The following CNTN5 variants were observed in gnomAD, a reference collection of about 807,000 sequenced individuals.
CNTN5 encodes the protein contactin 5.
A neutral mutation model predicts 129.1 loss-of-function variants in CNTN5; 77 were observed. The observed-to-expected ratio is 0.60, with a 90% CI of 0.50 to 0.72. CNTN5 has a LOEUF of 0.72. Among genes scored for constraint, CNTN5 ranks in the 30% least tolerant of loss-of-function variants. The pLI is 0.00. For synonymous variants in CNTN5, 509 were observed against 465.6 expected (o/e 1.09, Z -1.20); for missense variants, 1,478 against 1,328.8 (o/e 1.11, Z -1.75).
At chr11:99,763,747 G>A (rs1411476983) in intron 3 of CNTN5, among the ~76,000 whole-genome samples, 1 of 151,950 alleles carries the variant, frequency 6.6e-6, no homozygotes, top group African/African-American at 2.4e-5. Flanking sequence ...TAAAGAAAAA[G>A]AAGATTTTTA....
chr11:99,610,015 C>A (rs1950547917), intron 3 of CNTN5, among the ~76,000 whole-genome samples: 1 of 152,084 alleles, frequency 6.6e-6, no homozygotes, highest in Non-Finnish European at 1.5e-5. Context: ...ATAAATTGCA[C>A]TGTTAATCCT....
At chr11:99,828,088 T>G (rs1437424380) in intron 4 of CNTN5, among the ~76,000 whole-genome samples, 1 of 152,194 alleles carries the variant, frequency 6.6e-6, no homozygotes, top group Non-Finnish European at 1.5e-5. Flanking sequence ...TTCATATGTA[T>G]TATACTTTCT....
At chr11:100,316,003 T>C (rs1261917496) in intron 21 of CNTN5, among the ~76,000 whole-genome samples, 1 of 152,216 alleles carries the variant, frequency 6.6e-6, no homozygotes, top group Non-Finnish European at 1.5e-5. Flanking sequence ...CACTAGCCCA[T>C]ACAAGTAAAT....
chr11:100,253,615 A>G (rs958440905), intron 16 of CNTN5, among the ~76,000 whole-genome samples: 1 of 152,120 alleles, frequency 6.6e-6, no homozygotes, highest in Non-Finnish European at 1.5e-5. Context: ...CTATTAAATC[A>G]TTATAATGTA....
At chr11:99,776,888 A>G (rs1197700978) in intron 3 of CNTN5, among the ~76,000 whole-genome samples, 4 of 151,958 alleles carry the variant, frequency 2.6e-5, no homozygotes, top group Non-Finnish European at 1.5e-5. Flanking sequence ...GCAACTGGTA[A>G]AGTTCAGGAC....
At chr11:99,764,078 T>G (rs1306731027) in intron 3 of CNTN5, among the ~76,000 whole-genome samples, 1 of 152,154 alleles carries the variant, frequency 6.6e-6, no homozygotes, top group African/African-American at 2.4e-5. Context: ...ATTTCTGTTG[T>G]AAAAATTTAG....
chr11:99,192,564 A>G (rs1000235880), intron 1 of CNTN5, among the ~76,000 whole-genome samples: 1 of 151,932 alleles, frequency 6.6e-6, no homozygotes, highest in Non-Finnish European at 1.5e-5. Context: ...ATAATTTGTA[A>G]TTATCTTACA....
intron 2 of CNTN5, among the ~76,000 whole-genome samples, chr11:99,521,720 G>A (rs959565672): frequency 3.3e-5 from 5 of 152,194 alleles, no homozygotes; most frequent in African/African-American, 1.2e-4. Flanking sequence ...AGTTGACTCT[G>A]AGTGGCTACA....
At chr11:99,895,876 T>C in intron 6 of CNTN5, among the ~76,000 whole-genome samples, 1 of 152,132 alleles carries the variant, frequency 6.6e-6, no homozygotes, top group Non-Finnish European at 1.5e-5. Flanking sequence ...CACAGCATTT[T>C]TCCGTGTCCC....
intron 7 of CNTN5, among the ~76,000 whole-genome samples, chr11:99,954,116 G>T (rs1950741021): frequency 6.6e-6 from 1 of 152,016 alleles, no homozygotes; most frequent in African/African-American, 2.4e-5. Context: ...TGCATGTTCT[G>T]CACATTTATC....
chr11:99,990,382 T>C (rs1350579738), intron 8 of CNTN5, among the ~76,000 whole-genome samples: 1 of 150,506 alleles, frequency 6.6e-6, no homozygotes, highest in Non-Finnish European at 1.5e-5. Flanking sequence ...AATGTATTTA[T>C]TGGCTATTTT....
intron 13 of CNTN5, among the ~76,000 whole-genome samples, chr11:100,096,442 C>T (rs1187229251): frequency 6.6e-6 from 1 of 152,052 alleles, no homozygotes; most frequent in Admixed American, 6.6e-5. Context: ...TCTACTCGCA[C>T]CTTTTGCCCT....
Position 99,704,983 on chromosome 11 carries a change from G to A in CNTN5, c.56-114561G>A, listed in dbSNP as rs115988012. ...CAAATAACACAGTCATTTGGACTCC[G>A]TTAGATTTAGCCTGTGAATCTGCTT... is the stretch of plus-strand genomic sequence containing the variant. On this transcript the variant is annotated intron_variant, in intron 3 of 24. Transcript: ENST00000524871. Among the ~76,000 whole-genome samples, 225 of 151,264 alleles carry A rather than the reference G, an allele frequency of 1.5e-3. 1 individual carries two copies. The highest frequency in any genetic ancestry group is 5.3e-3 in the African/African-American group (219 of 41,420).
At chr11:99,773,759 C>G (rs1290831366) in intron 3 of CNTN5, among the ~76,000 whole-genome samples, 2 of 151,922 alleles carry the variant, frequency 1.3e-5, no homozygotes, top group Non-Finnish European at 2.9e-5. Flanking sequence ...CCTTGTAAAA[C>G]TCCTTAACTG....
rs1169375492 is a variant in CNTN5 at position 99,103,848 on chromosome 11, G to A, written c.-210+82578G>A. ...AGATGGAGGCAGAGATCTGTAAAAT[G>A]TATACCTAAGCCAAAAAATGCATGA... On this transcript the variant is annotated intron_variant, in intron 1 of 24. Coordinates refer to ENST00000524871, the MANE Select transcript of CNTN5 (RefSeq NM_014361.4). Among the ~76,000 whole-genome samples, 4 of 151,762 alleles carry A rather than the reference G, an allele frequency of 2.6e-5. No individual in the cohort carries two copies. The East Asian group carries it at 5.8e-4, about 22-fold the overall frequency.
At chr11:100,337,294 G>C in intron 21 of CNTN5, 2 of 1,123,560 alleles carry the variant, frequency 1.8e-6, no homozygotes, top group South Asian at 2.5e-5. Flanking sequence ...TATAAATCAT[G>C]CTCCTGGAGG....
chr11:99,227,487 T>G (rs1860755643), intron 1 of CNTN5, among the ~76,000 whole-genome samples: 1 of 152,124 alleles, frequency 6.6e-6, no homozygotes, highest in African/African-American at 2.4e-5. Flanking sequence ...TCAAAAGAAT[T>G]ACTAGTGATT....
chr11:99,880,072 T>C (rs980790960), intron 6 of CNTN5, among the ~76,000 whole-genome samples: 2 of 152,234 alleles, frequency 1.3e-5, no homozygotes, highest in Non-Finnish European at 2.9e-5. Context: ...CTTGAACTAA[T>C]GCCAGATTGA....
chr11:99,663,487 CAAA>C (rs373017202), intron 3 of CNTN5, among the ~76,000 whole-genome samples: 1 of 151,914 alleles, frequency 6.6e-6, no homozygotes, highest in Non-Finnish European at 1.5e-5. Context: ...TGAAACAAAA[CAAA>C]AAAGAAACAA....
Sources: gnomAD v4.1 joint callset for allele counts (sites outside exome capture counted in the v4.1 genomes callset) on GRCh38, gnomAD v4.1.1 for gene constraint, MANE v1.5 for transcripts, NCBI Gene and HGNC (gene_info 2026-07-23, HGNC 2026-07-21) for gene names.